Variants in SUCO observed in about 807,000 individuals in gnomAD.
The protein encoded by SUCO is SUN domain containing ossification factor.
SUCO carries 57 observed loss-of-function variants against 148.1 expected under a neutral mutation model. The observed-to-expected ratio is 0.38, with a 90% CI of 0.31 to 0.48. SUCO has a LOEUF of 0.48. Among genes scored for constraint, SUCO ranks in the 20% least tolerant of loss-of-function variants. The pLI is 0.96. For synonymous variants in SUCO, 470 were observed against 502.7 expected (o/e 0.93, Z 0.87); for missense variants, 1,331 against 1,468.2 (o/e 0.91, Z 1.53).
intron 15 of SUCO, among the ~76,000 whole-genome samples, chr1:172,581,683 G>C (rs1558198158): frequency 6.6e-6 from 1 of 152,094 alleles, no homozygotes; most frequent in African/African-American, 2.4e-5. Flanking sequence ...TTCTAAATTA[G>C]CTTGAAATTG....
chr1:172,574,469 A>G (rs1257793241), intron 10 of SUCO, among the ~76,000 whole-genome samples: 1 of 151,870 alleles, frequency 6.6e-6, no homozygotes, highest in Middle Eastern at 3.2e-3. Flanking sequence ...GTGTGATTAT[A>G]AAAGAAATAA....
chr1:172,579,138 T>G (rs565290848), intron 14 of SUCO, 64 bp from the exon 15 acceptor site: 6 of 907,628 alleles, frequency 6.6e-6, no homozygotes, highest in African/African-American at 5.0e-5. Context: ...TAATTTGAGC[T>G]TTTAAATATG....
intron 10 of SUCO, 149 bp from the exon 11 acceptor site, chr1:172,575,369 A>G (rs1437832124): frequency 1.9e-6 from 1 of 525,784 alleles, no homozygotes; most frequent in Non-Finnish European, 3.3e-6. Flanking sequence ...GGAAAAGAAA[A>G]TGTATTAAAT....
chr1:172,584,467 GTT>G, intron 15 of SUCO: 1 of 475,586 alleles, frequency 2.1e-6, no homozygotes, highest in Non-Finnish European at 2.7e-6. Context: ...GTCTAGGGAA[GTT>G]TTACAAGAAA....
At chr1:172,565,599 C>A (rs1242672551) in intron 6 of SUCO, among the ~76,000 whole-genome samples, 1 of 152,174 alleles carries the variant, frequency 6.6e-6, no homozygotes, top group Admixed American at 6.5e-5. Context: ...CCGGGTGCAG[C>A]CAACAGTGTC....
chr1:172,610,196 C>A lies in SUCO; in HGVS notation c.3702C>A (p.Ile1234=), dbSNP rs1171889758. ...SGSLPSLHDI[I]KGNKEITVGT... is the part of the protein sequence containing the mutation. The stretch of plus-strand genomic sequence containing the variant: ...CATTGCCGAGCCTGCATGACATAAT[C>A]AAAGGAAACAAAGAGATCACCGTGG... The change falls in exon 24 of 24, where the codon ATC becomes ATA. Residue 1234 remains isoleucine, a synonymous_variant. Transcript: ENST00000263688. 6.2e-7 allele frequency: 1 copy of A among 1,611,740 alleles called. No individual in the cohort carries two copies. Among genetic ancestry groups the A allele is most frequent in the East Asian group, 2.2e-5 (1 of 44,882 alleles).
intron 3 of SUCO, 143 bp from the exon 4 acceptor site, chr1:172,555,726 A>G (rs910125417): frequency 1.0e-5 from 7 of 679,970 alleles, no homozygotes; most frequent in Non-Finnish European, 1.6e-5. Flanking sequence ...ATTGGAAGAA[A>G]GGATTTTTAT....
intron 17 of SUCO, among the ~76,000 whole-genome samples, chr1:172,587,135 G>A (rs367805095): frequency 1.3e-5 from 2 of 152,016 alleles, no homozygotes; most frequent in Non-Finnish European, 2.9e-5. Flanking sequence ...GTTGAAAGCT[G>A]TAGTCACAGG....
intron 22 of SUCO, 91 bp downstream of exon 22, chr1:172,602,878 T>A: frequency 1.8e-6 from 2 of 1,118,720 alleles, no homozygotes; most frequent in Admixed American, 2.0e-5. Context: ...CATGACCATC[T>A]GCAACAAAAA....
At chr1:172,562,327 AT>A (rs34871543) in intron 6 of SUCO, among the ~76,000 whole-genome samples, 1,544 of 137,676 alleles carry the variant, frequency 0.011, 9 homozygotes, top group Middle Eastern at 0.019. Flanking sequence ...GGGTTTTAAC[AT>A]TTTTTTTTTT....
chr1:172,569,960 G>A (rs1654828671), intron 7 of SUCO, 87 bp from the exon 8 acceptor site: 1 of 1,182,752 alleles, frequency 8.5e-7, no homozygotes, highest in South Asian at 3.6e-5. Flanking sequence ...ACAGCTTATT[G>A]CTTTGGAGAT....
intron 19 of SUCO, among the ~76,000 whole-genome samples, chr1:172,594,284 G>C (rs1656913366): frequency 6.6e-6 from 1 of 150,572 alleles, no homozygotes; most frequent in African/African-American, 2.4e-5. Context: ...GTCTCCTTCA[G>C]TTCTGCTCTG....
rs755245369 is a variant in SUCO, at chr1:172,599,129, A to G, written c.2914-935A>G. Among the ~76,000 whole-genome samples, 178 of 152,126 alleles carry G rather than the reference A, an allele frequency of 1.2e-3. 5 individuals carry two copies. Among genetic ancestry groups the G allele is most frequent in the Non-Finnish European group, 5.6e-4 (38 of 68,022 alleles). On this transcript the variant is annotated intron_variant, in intron 19 of 23. Transcript: ENST00000263688. ...ACTTTATTAAAAGTTCAAATTTTCG[A>G]CCATCCTGGCTAACACGGTGAAACC...
intron 9 of SUCO, among the ~76,000 whole-genome samples, chr1:172,573,316 G>A (rs574052455): frequency 1.3e-5 from 2 of 152,100 alleles, no homozygotes; most frequent in Non-Finnish European, 2.9e-5. Context: ...ATAGTTTCTG[G>A]TACCAGTTTT....
At chr1:172,590,445 G>A in intron 18 of SUCO, 2 of 760,546 alleles carry the variant, frequency 2.6e-6, no homozygotes, top group South Asian at 1.2e-4. Context: ...AAGTGCCAGA[G>A]ACAGTGCCAA....
chr1:172,602,250 T>A, intron 21 of SUCO, 32 bp downstream of exon 21: 1 of 1,534,860 alleles, frequency 6.5e-7, no homozygotes, highest in South Asian at 1.2e-5. Context: ...ACAATTTTAT[T>A]TTTTTTACTA....
chr1:172,577,611 T>G lies in SUCO; in HGVS notation c.1284+52T>G, dbSNP rs778258603. The stretch of plus-strand genomic sequence containing the variant: ...TAAATAACAGGGCATGGCGTATTAA[T>G]GCATTACAAAAACTTTACAAGTATT... On this transcript the variant is annotated intron_variant, in intron 12 of 23. Transcript: ENST00000263688. 5.0e-6 allele frequency: 8 copies of G among 1,599,698 alleles called. No individual in the cohort carries two copies. In the South Asian group the frequency reaches 9.0e-5, roughly 18 times the overall value.
chr1:172,596,474 T>C (rs1478861847), intron 19 of SUCO, among the ~76,000 whole-genome samples: 1 of 152,216 alleles, frequency 6.6e-6, no homozygotes, highest in East Asian at 1.9e-4. Context: ...TGGTGGAATG[T>C]CCTTCCTGTT....
At position 172,553,241 on chromosome 1, in the gene SUCO, T is replaced by C; in HGVS notation, c.178-19T>C. 1 of 1,534,026 alleles carries C rather than the reference T, an allele frequency of 6.5e-7. No individual in the cohort carries two copies. The highest frequency in any genetic ancestry group is 8.8e-7 in the Non-Finnish European group (1 of 1,133,822). ...TAAAACAGTTTTATCAGGTGATTTT[T>C]GTTGTTGTTGTTATATAGGATGAAA... On this transcript the variant is annotated intron_variant, in intron 2 of 23. Transcript: ENST00000263688.
Sources: gnomAD v4.1 joint callset for allele counts (sites outside exome capture counted in the v4.1 genomes callset) on GRCh38, gnomAD v4.1.1 for gene constraint, MANE v1.5 for transcripts, NCBI Gene and HGNC (gene_info 2026-07-23, HGNC 2026-07-21) for gene names.